Variants in CDK3 observed in about 807,000 individuals in gnomAD.
CDK3 encodes the protein cyclin dependent kinase 3, also known as cyclin-dependent kinase 3.
CDK3 carries 24 observed loss-of-function variants against 30.2 expected under a neutral mutation model. The ratio of observed to expected loss-of-function variants is 0.79; its 90% CI spans 0.57 to 1.12. The LOEUF is 1.12. Among genes scored for constraint, CDK3 ranks in the 50% most tolerant of loss-of-function variants. CDK3 has a pLI of 0.00. For synonymous variants in CDK3, 158 were observed against 154.2 expected (o/e 1.02, Z -0.18); for missense variants, 345 against 376.0 (o/e 0.92, Z 0.68).
rs1353624745 is a variant in CDK3, at chr17:76,001,745, A to G, written c.117-129A>G. 2 of 990,240 alleles carry G rather than the reference A, an allele frequency of 2.0e-6. No homozygotes were observed. The highest frequency in any genetic ancestry group is 3.0e-6 in the Non-Finnish European group (2 of 677,536). 61.3% of individuals were successfully genotyped at this position (990,240 alleles called of 1,614,324 possible). On this transcript the variant is annotated intron_variant, in intron 2 of 7. Coordinates refer to ENST00000448471, the MANE Select transcript of CDK3 (RefSeq NM_001258.4). The surrounding 1 kb of genome is among the most constrained non-coding windows in gnomAD (Gnocchi z 6.2). ...TGTGGAGTTTGGTGGATGACGTGCCAAGGAGCACAGGTCTCCATTGCCGGG... is the reference window on the plus strand; with the variant it reads ...TGTGGAGTTTGGTGGATGACGTGCCGAGGAGCACAGGTCTCCATTGCCGGG...
rs1047076166 is a variant in CDK3, at chr17:76,002,701, C to G, written c.588+89C>G. ...GGTCCACTGATGCTCCCATTCGAGG[C>G]GGATTAAAGAGTGTTTGGGGCTGGA... On this transcript the variant is annotated intron_variant, in intron 6 of 7. Coordinates refer to ENST00000448471, the MANE Select transcript of CDK3 (RefSeq NM_001258.4). This position sits in a 1 kb window ranked among gnomAD's most constrained non-coding sequence, Gnocchi z 4.3. The G allele has an allele frequency of 4.1e-6, 3 of 737,102 alleles. No homozygotes were observed. The highest frequency in any genetic ancestry group is 7.5e-6 in the Non-Finnish European group (3 of 399,210). The allele number at this position is 737,102 out of a possible 1,614,324, so 45.7% of individuals were successfully genotyped here.
intron 7 of CDK3, 73 bp downstream of exon 7, chr17:76,003,471 T>A (rs2144381745): frequency 7.9e-7 from 1 of 1,271,604 alleles, no homozygotes; most frequent in East Asian, 2.4e-5. Context: ...TACATAACCC[T>A]GGCACTTTCT....
Position 76,001,611 on chromosome 17 carries a change from C to T in CDK3, c.116+70C>T. ...CAACCTGGGCGCTCCCTGATCCGTT[C>T]CCTCTTTCCTGGAGTCCACGTTTAA... On this transcript the variant is annotated intron_variant, in intron 2 of 7. Coordinates refer to ENST00000448471, the MANE Select transcript of CDK3 (RefSeq NM_001258.4). This position sits in a 1 kb window ranked among gnomAD's most constrained non-coding sequence, Gnocchi z 6.2. 1 of 1,335,308 alleles carries T rather than the reference C, an allele frequency of 7.5e-7. No homozygotes were observed. The highest frequency in any genetic ancestry group is 1.1e-6 in the Non-Finnish European group (1 of 942,764). The allele number at this position is 1,335,308 out of a possible 1,614,324, so 82.7% of individuals were successfully genotyped here.
Position 76,001,980 on chromosome 17 carries a change from G to A in CDK3, c.194+29G>A. On this transcript the variant is annotated intron_variant, in intron 3 of 7. Coordinates refer to ENST00000448471, the MANE Select transcript of CDK3 (RefSeq NM_001258.4). This position sits in a 1 kb window ranked among gnomAD's most constrained non-coding sequence, Gnocchi z 6.2. ...AGTTGGGGATTGAGGTGGGGAAGCTGGGATGGCGAAGGTAGCATCCTGACT... is the reference window on the plus strand; with the variant it reads ...AGTTGGGGATTGAGGTGGGGAAGCTAGGATGGCGAAGGTAGCATCCTGACT... 6.2e-7 allele frequency: 1 copy of A among 1,613,842 alleles called. No homozygotes were observed. The highest frequency in any genetic ancestry group is 8.5e-7 in the Non-Finnish European group (1 of 1,179,788).
At position 76,003,227 on chromosome 17, in the gene CDK3, T is replaced by A; in HGVS notation, c.621T>A (p.Ser207=). ...GAAAAGCCCTGTTTCCTGGTGACTC[T>A]GAGATTGACCAGCTCTTTCGTATCT... is the stretch of plus-strand genomic sequence containing the variant. ...VTRKALFPGD[S]EIDQLFRIFR... is the part of the protein sequence containing the mutation. The change falls in exon 7 of 8, where the codon TCT becomes TCA. Residue 207 remains serine, a synonymous_variant. Transcript: ENST00000448471. The A allele has an allele frequency of 6.2e-7, 1 of 1,611,600 alleles. No homozygotes were observed. Among genetic ancestry groups the A allele is most frequent in the Non-Finnish European group, 8.5e-7 (1 of 1,177,698 alleles).
In CDK3 at chr17:76,001,134, C is replaced by T; in HGVS notation, c.-15+167C>T. On this transcript the variant is annotated intron_variant, in intron 1 of 7. Transcript: ENST00000448471. The surrounding 1 kb of genome is among the most constrained non-coding windows in gnomAD (Gnocchi z 6.2). The stretch of plus-strand genomic sequence containing the variant: ...GTGGGCCCTGCCCTCCGAGGCCGGG[C>T]ATGGGCGAGAAGCCTGGGGGTCCTG... 7.9e-7 allele frequency: 1 copy of T among 1,267,190 alleles called. No individual in the cohort carries two copies. Among genetic ancestry groups the T allele is most frequent in the South Asian group, 1.6e-5 (1 of 63,522 alleles). 78.5% of individuals were successfully genotyped at this position (1,267,190 alleles called of 1,614,324 possible).
At position 76,005,350 on chromosome 17, in the gene CDK3, C is replaced by A. The variant is rs200812167; in HGVS notation, c.845C>A (p.Ala282Asp). ...CGGATCACAGCCAAGACTGCCCTGGCCCACCCGTACTTCTCATCCCCTGAG... is the reference window on the plus strand; with the variant it reads ...CGGATCACAGCCAAGACTGCCCTGGACCACCCGTACTTCTCATCCCCTGAG... The part of the protein sequence containing the change: ...SQRITAKTAL[A>D]HPYFSSPEPS... The change falls in exon 8 of 8, where the codon GCC becomes GAC. Residue 282 changes from alanine to aspartate, a missense_variant. Physicochemically the swap from Ala to Asp is moderately radical, Grantham distance 126. Transcript: ENST00000448471. This position sits in a 1 kb window ranked among gnomAD's most constrained non-coding sequence, Gnocchi z 4.7. The A allele has an allele frequency of 1.2e-5, 19 of 1,614,114 alleles. No homozygotes were observed. In the East Asian group the frequency reaches 1.8e-4, roughly 15 times the overall value.
chr17:76,003,298 C>A lies in CDK3; in HGVS notation c.692C>A (p.Thr231Asn), dbSNP rs1287829842. 3 of 1,614,110 alleles carry A rather than the reference C, an allele frequency of 1.9e-6. No individual in the cohort carries two copies. The highest frequency in any genetic ancestry group is 2.5e-6 in the Non-Finnish European group (3 of 1,179,962). Residue 231 changes from threonine (T) to asparagine (N), a missense_variant, in exon 7 of 8, where the codon ACC (threonine) becomes AAC (asparagine). Coordinates refer to ENST00000448471, the MANE Select transcript of CDK3 (RefSeq NM_001258.4). ...AGCGAAGACACATGGCCCGGGGTCA[C>A]CCAGCTGCCTGACTATAAGGGCAGC... ...TPSEDTWPGVTQLPDYKGSFP... is the reference protein window; with the variant it reads ...TPSEDTWPGVNQLPDYKGSFP...
chr17:76,005,229 C>T lies in CDK3; in HGVS notation c.793-69C>T. ...GGGGCCCAGGCCCTTGATCTGGGAC[C>T]TGGGAGGGGAATTTCTCACCCCACC... On this transcript the variant is annotated intron_variant, in intron 7 of 7. Transcript: ENST00000448471. This position sits in a 1 kb window ranked among gnomAD's most constrained non-coding sequence, Gnocchi z 4.7. 6.4e-7 allele frequency: 1 copy of T among 1,569,632 alleles called. No homozygotes were observed. The highest frequency in any genetic ancestry group is 8.7e-7 in the Non-Finnish European group (1 of 1,154,528).
chr17:76,004,872 C>T (rs2069534), intron 7 of CDK3, among the ~76,000 whole-genome samples: 47,030 of 152,032 alleles, frequency 0.31, 7,374 homozygotes, highest in Middle Eastern at 0.34. Flanking sequence ...ACAGGGGGTC[C>T]TTCCACATCC....
Position 76,002,668 on chromosome 17 carries a change from T to G in CDK3, c.588+56T>G. On this transcript the variant is annotated intron_variant, in intron 6 of 7. Transcript: ENST00000448471. The surrounding 1 kb of genome is among the most constrained non-coding windows in gnomAD (Gnocchi z 4.3). Reference sequence around the variant, plus strand: ...TGCCACAGGCAGGGTCCTACTGGGGTTGGGTGGGGTCCACTGATGCTCCCA... The same window carrying G: ...TGCCACAGGCAGGGTCCTACTGGGGGTGGGTGGGGTCCACTGATGCTCCCA... The G allele has an allele frequency of 1.3e-6, 1 of 776,438 alleles. No homozygotes were observed. The highest frequency in any genetic ancestry group is 1.7e-5 in the Admixed American group (1 of 58,312). The allele number at this position is 776,438 out of a possible 1,614,324, so 48.1% of individuals were successfully genotyped here. A position where few individuals can be genotyped will look rare whatever the true frequency, so the allele number is the denominator to read the frequency against.
Position 76,002,066 on chromosome 17 carries a change from T to C in CDK3, c.239T>C (p.Phe80Ser), listed in dbSNP as rs2066265059. 1 of 1,613,990 alleles carries C rather than the reference T, an allele frequency of 6.2e-7. No homozygotes were observed. Among genetic ancestry groups the C allele is most frequent in the Non-Finnish European group, 8.5e-7 (1 of 1,179,984 alleles). Residue 80 changes from phenylalanine (F) to serine (S), a missense_variant, in exon 4 of 8, where the codon TTT becomes TCT. Coordinates refer to ENST00000448471, the MANE Select transcript of CDK3 (RefSeq NM_001258.4). This position sits in a 1 kb window ranked among gnomAD's most constrained non-coding sequence, Gnocchi z 4.3. ...VHNERKLYLV[F>S]EFLSQDLKKY... is the part of the protein sequence containing the mutation. ...AACGAGAGGAAGCTCTATCTGGTGT[T>C]TGAGTTCCTCAGCCAGGACCTGAAG...
chr17:76,005,460 G>C lies in CDK3; in HGVS notation c.*37G>C, dbSNP rs779086818. ...CCACACTCAGATCCTTTCTCGAGCA[G>C]CTGCTGCCCCAGCTGCCTCCTACCC... On this transcript the variant is annotated 3_prime_UTR_variant, in exon 8 of 8. Coordinates refer to ENST00000448471, the MANE Select transcript of CDK3 (RefSeq NM_001258.4). The surrounding 1 kb of genome is among the most constrained non-coding windows in gnomAD (Gnocchi z 4.7). 3.8e-6 allele frequency: 6 copies of C among 1,594,076 alleles called. No homozygotes were observed. The highest frequency in any genetic ancestry group is 5.1e-6 in the Non-Finnish European group (6 of 1,166,178).
chr17:76,005,654 G>C lies in CDK3; in HGVS notation c.*231G>C, dbSNP rs982873618. ...ATAGAGGCACAGATGCTCCATGCAC[G>C]AGGGGTCCCCGGGCACTGGAACAAG... is the stretch of plus-strand genomic sequence containing the variant. On this transcript the variant is annotated 3_prime_UTR_variant, in exon 8 of 8. Coordinates refer to ENST00000448471, the MANE Select transcript of CDK3 (RefSeq NM_001258.4). This position sits in a 1 kb window ranked among gnomAD's most constrained non-coding sequence, Gnocchi z 4.7. 2.1e-6 allele frequency: 1 copy of C among 482,924 alleles called. No homozygotes were observed. Among genetic ancestry groups the C allele is most frequent in the African/African-American group, 2.0e-5 (1 of 50,738 alleles). 29.9% of individuals were successfully genotyped at this position (482,924 alleles called of 1,614,324 possible).
Position 76,001,712 on chromosome 17 carries a change from G to C in CDK3, c.117-162G>C. 3 of 901,710 alleles carry C rather than the reference G, an allele frequency of 3.3e-6. No individual in the cohort carries two copies. Among genetic ancestry groups the C allele is most frequent in the Non-Finnish European group, 5.0e-6 (3 of 597,090 alleles). The allele number at this position is 901,710 out of a possible 1,614,324, so 55.9% of individuals were successfully genotyped here. ...TGCCTTCTGACCAGCCTTTGCCGGG[G>C]CCCTGACTGTGGAGTTTGGTGGATG... On this transcript the variant is annotated intron_variant, in intron 2 of 7. Transcript: ENST00000448471. This position sits in a 1 kb window ranked among gnomAD's most constrained non-coding sequence, Gnocchi z 6.2.
Position 76,001,296 on chromosome 17 carries a change from T to C in CDK3, c.-14-116T>C, listed in dbSNP as rs2066256396. 1 of 1,511,338 alleles carries C rather than the reference T, an allele frequency of 6.6e-7. No individual in the cohort carries two copies. Among genetic ancestry groups the C allele is most frequent in the Non-Finnish European group, 8.8e-7 (1 of 1,134,696 alleles). 93.6% of individuals were successfully genotyped at this position (1,511,338 alleles called of 1,614,324 possible). ...GTTGGGGTGGCTAGGCCGTGGGCCTTGGGAGCTGGGCAGTCTGGGCTGGGC... is the reference window on the plus strand; with the variant it reads ...GTTGGGGTGGCTAGGCCGTGGGCCTCGGGAGCTGGGCAGTCTGGGCTGGGC... On this transcript the variant is annotated intron_variant, in intron 1 of 7. Transcript: ENST00000448471. This position sits in a 1 kb window ranked among gnomAD's most constrained non-coding sequence, Gnocchi z 6.2.
In CDK3 at chr17:76,005,630, T is replaced by C. The variant is rs1458283756; in HGVS notation, c.*207T>C. 7 of 569,616 alleles carry C rather than the reference T, an allele frequency of 1.2e-5. No individual in the cohort carries two copies. Among genetic ancestry groups the C allele is most frequent in the African/African-American group, 1.9e-5 (1 of 52,712 alleles). The allele number at this position is 569,616 out of a possible 1,614,324, so 35.3% of individuals were successfully genotyped here. ...TGGGTTGGACGGTGCCGTTTCAAAA[T>C]AGAGGCACAGATGCTCCATGCACGA... On this transcript the variant is annotated 3_prime_UTR_variant, in exon 8 of 8. Transcript: ENST00000448471. This position sits in a 1 kb window ranked among gnomAD's most constrained non-coding sequence, Gnocchi z 4.7.
At position 76,005,534 on chromosome 17, in the gene CDK3, A is replaced by G. The variant is rs2066306490; in HGVS notation, c.*111A>G. ...GGGAGAGCAAAGCACTAAGGAATTC[A>G]GCATCAGCCTGCAGAGGGCTGAGTC... On this transcript the variant is annotated 3_prime_UTR_variant, in exon 8 of 8. Coordinates refer to ENST00000448471, the MANE Select transcript of CDK3 (RefSeq NM_001258.4). The surrounding 1 kb of genome is among the most constrained non-coding windows in gnomAD (Gnocchi z 4.7). 4 of 1,325,204 alleles carry G rather than the reference A, an allele frequency of 3.0e-6. No individual in the cohort carries two copies. The highest frequency in any genetic ancestry group is 4.1e-6 in the Non-Finnish European group (4 of 964,634). The allele number at this position is 1,325,204 out of a possible 1,614,324, so 82.1% of individuals were successfully genotyped here. A position where few individuals can be genotyped will look rare whatever the true frequency, so the allele number is the denominator to read the frequency against.
Position 76,002,404 on chromosome 17 carries a change from A to C in CDK3, c.472A>C (p.Thr158Pro). The stretch of plus-strand genomic sequence containing the variant: ...TCGCGCCTTCGGGGTGCCCCTGCGC[A>C]CCTACACCCATGAGGTATTGTGAGA... ...LARAFGVPLR[T>P]YTHEVVTLWY... is the part of the protein sequence containing the mutation. Residue 158 changes from threonine (T) to proline (P), a missense_variant, in exon 5 of 8, where the codon ACC (threonine) becomes CCC (proline). Coordinates refer to ENST00000448471, the MANE Select transcript of CDK3 (RefSeq NM_001258.4). This position sits in a 1 kb window ranked among gnomAD's most constrained non-coding sequence, Gnocchi z 4.3. 6.2e-7 allele frequency: 1 copy of C among 1,612,398 alleles called. No homozygotes were observed. Among genetic ancestry groups the C allele is most frequent in the Non-Finnish European group, 8.5e-7 (1 of 1,179,930 alleles).
Sources: gnomAD v4.1 joint callset for allele counts (sites outside exome capture counted in the v4.1 genomes callset) on GRCh38, gnomAD v4.1.1 for gene constraint, Gnocchi (gnomAD v3.1) non-coding constraint, MANE v1.5 for transcripts, NCBI Gene and HGNC (gene_info 2026-07-23, HGNC 2026-07-21) for gene names.